Variants in YEATS4 observed in about 807,000 individuals in gnomAD.
YEATS4 encodes the protein YEATS domain-containing protein 4.
YEATS4 carries 17 observed loss-of-function variants against 30.1 expected under a neutral mutation model. That is an observed-to-expected ratio of 0.56 (90% CI 0.39 to 0.85). The LOEUF (loss-of-function observed/expected upper bound fraction) is 0.85, where lower values mean the gene tolerates loss of function less well. Among genes scored for constraint, YEATS4 ranks in the 40% least tolerant of loss-of-function variants. YEATS4 has a pLI of 0.00. For synonymous variants in YEATS4, 85 were observed against 87.5 expected (o/e 0.97, Z 0.16); for missense variants, 142 against 268.3 (o/e 0.53, Z 3.29).
chr12:69,361,164 C>T (rs1477657600), intron 1 of YEATS4, among the ~76,000 whole-genome samples: 8 of 151,926 alleles, frequency 5.3e-5, no homozygotes, highest in Non-Finnish European at 7.4e-5. Flanking sequence ...TGCCACTGCA[C>T]TCTAGCCTGG....
At chr12:69,375,999 C>T (rs2120993112) in intron 6 of YEATS4, among the ~76,000 whole-genome samples, 1 of 152,292 alleles carries the variant, frequency 6.6e-6, no homozygotes, top group Non-Finnish European at 1.5e-5. Flanking sequence ...ATTTTGTATC[C>T]TGCAGTTTTA....
intron 6 of YEATS4, among the ~76,000 whole-genome samples, chr12:69,389,109 T>C (rs1470045615): frequency 1.3e-5 from 2 of 152,164 alleles, no homozygotes; most frequent in South Asian, 2.1e-4. Context: ...TTGCCACCTA[T>C]TTGAAAAAAA....
At chr12:69,392,151 C>T (rs527731182), downstream of YEATS4, among the ~76,000 whole-genome samples, 36 of 152,284 alleles carry the variant, frequency 2.4e-4, no homozygotes, top group African/African-American at 8.2e-4. Context: ...TGCTCTGCAT[C>T]ATTCATCATT....
downstream of YEATS4, among the ~76,000 whole-genome samples, chr12:69,391,603 G>A (rs999123108): frequency 6.6e-6 from 1 of 151,770 alleles, no homozygotes; most frequent in African/African-American, 2.4e-5. Context: ...CAATTATTAT[G>A]GAGGATGTAC....
chr12:69,377,902 AT>A (rs1162901635), intron 6 of YEATS4, among the ~76,000 whole-genome samples: 1 of 151,764 alleles, frequency 6.6e-6, no homozygotes, highest in Non-Finnish European at 1.5e-5. Context: ...TTTTTTGTTG[AT>A]TTTCTGTCTG....
At chr12:69,372,084 G>A (rs534279158) in intron 6 of YEATS4, among the ~76,000 whole-genome samples, 55 of 152,260 alleles carry the variant, frequency 3.6e-4, no homozygotes, top group Non-Finnish European at 6.5e-4. Flanking sequence ...AGGGGACTAG[G>A]TCATATAGGG....
rs1328432429 is a variant in YEATS4 at position 69,390,398 on chromosome 12, T to C, written c.*82T>C. 1 of 1,320,350 alleles carries C rather than the reference T, an allele frequency of 7.6e-7. No individual in the cohort carries two copies. Among genetic ancestry groups the C allele is most frequent in the East Asian group, 2.5e-5 (1 of 39,438 alleles). The allele number at this position is 1,320,350 out of a possible 1,614,324, so 81.8% of individuals were successfully genotyped here. On this transcript the variant is annotated 3_prime_UTR_variant, in exon 7 of 7. Transcript: ENST00000247843. ...GGAGAAATGGACTTACTGCAAATGC[T>C]GTGATGTTTCTTAGAGGAACTTCAT...
intron 6 of YEATS4, among the ~76,000 whole-genome samples, chr12:69,377,008 A>G (rs2120999802): frequency 6.6e-6 from 1 of 152,252 alleles, no homozygotes; most frequent in Non-Finnish European, 1.5e-5. Context: ...CATAGTGGCC[A>G]CTAATGATCC....
chr12:69,360,818 GA>G (rs1418648319), intron 1 of YEATS4, among the ~76,000 whole-genome samples: 2 of 151,396 alleles, frequency 1.3e-5, no homozygotes, highest in African/African-American at 2.4e-5. Flanking sequence ...TCTTTTTAAA[GA>G]AAAATTTCCT....
the YEATS4 span, among the ~76,000 whole-genome samples, chr12:69,396,719 A>G: frequency 6.6e-6 from 1 of 151,884 alleles, no homozygotes; most frequent in Non-Finnish European, 1.5e-5. Context: ...CCATGAACCT[A>G]TTTACTCTTA....
At chr12:69,369,081 C>G (rs547698368) in intron 4 of YEATS4, among the ~76,000 whole-genome samples, 1 of 152,268 alleles carries the variant, frequency 6.6e-6, no homozygotes, top group Admixed American at 6.5e-5. Flanking sequence ...ATACCTTTTG[C>G]AGGGAGGTCA....
chr12:69,367,736 G>C (rs1375735565), intron 4 of YEATS4, among the ~76,000 whole-genome samples: 2 of 152,338 alleles, frequency 1.3e-5, no homozygotes, highest in East Asian at 3.9e-4. Context: ...ATACAAAAAT[G>C]AGACACTGAC....
At chr12:69,422,950 T>C in the YEATS4 span, 1 of 152,270 alleles carries the variant, frequency 6.6e-6, no homozygotes. Context: ...CTCCCTGATT[T>C]AGACCTAATG....
chr12:69,368,279 C>A (rs1164385233), intron 4 of YEATS4, among the ~76,000 whole-genome samples: 1 of 152,032 alleles, frequency 6.6e-6, no homozygotes, highest in Non-Finnish European at 1.5e-5. Context: ...CAGATCAAGC[C>A]ACTATAAAAA....
At chr12:69,404,912 T>A in the YEATS4 span, among the ~76,000 whole-genome samples, 1 of 152,236 alleles carries the variant, frequency 6.6e-6, no homozygotes, top group Non-Finnish European at 1.5e-5. Flanking sequence ...CTTCAGCTAC[T>A]GCTAATTCTT....
chr12:69,408,057 T>C, the YEATS4 span, among the ~76,000 whole-genome samples: 1 of 152,170 alleles, frequency 6.6e-6, no homozygotes, highest in Admixed American at 6.5e-5. Context: ...TATTATGAGT[T>C]ACGGATTGTT....
intron 6 of YEATS4, among the ~76,000 whole-genome samples, chr12:69,387,393 T>C (rs1303255190): frequency 1.3e-5 from 2 of 152,236 alleles, no homozygotes; most frequent in African/African-American, 4.8e-5. Context: ...TGCTTGATGT[T>C]CTTCCAGAAT....
intron 4 of YEATS4, 26 bp from the exon 5 acceptor site, chr12:69,370,680 A>G: frequency 6.6e-7 from 1 of 1,515,018 alleles, no homozygotes. Context: ...CATTGCACAG[A>G]TTTGACATCT....
the YEATS4 span, among the ~76,000 whole-genome samples, chr12:69,411,963 G>C: frequency 6.6e-6 from 1 of 152,200 alleles, no homozygotes; most frequent in Non-Finnish European, 1.5e-5. Context: ...TTCCAAGTGA[G>C]ACAGGAAACT....
Sources: allele counts gnomAD v4.1 joint callset (sites outside exome capture counted in the v4.1 genomes callset), GRCh38; gene constraint gnomAD v4.1.1; transcripts MANE v1.5; gene names NCBI Gene and HGNC (gene_info 2026-07-23, HGNC 2026-07-21).